ZNF470: variants seen among roughly 807,000 people sequenced by gnomAD.
ZNF470 encodes chondrogenesis zinc finger protein 1.
ZNF470 carries 13 observed loss-of-function variants against 13.9 expected under a neutral mutation model. That is an observed-to-expected ratio of 0.94 (90% CI 0.61 to 1.49). The LOEUF (loss-of-function observed/expected upper bound fraction) is 1.49. ZNF470 is among the 40% of genes most tolerant of loss of function. ZNF470 has a pLI of 0.00. For synonymous variants in ZNF470, 293 were observed against 282.9 expected (o/e 1.04, Z -0.36); for missense variants, 929 against 857.3 (o/e 1.08, Z -1.04).
Position 56,578,529 on chromosome 19 carries a change from C to G in ZNF470, c.2100C>G (p.Thr700=). 2 of 1,591,452 alleles carry G rather than the reference C, an allele frequency of 1.3e-6. No homozygotes were observed. Among genetic ancestry groups the G allele is most frequent in the Admixed American group, 1.8e-5 (1 of 57,014 alleles). Residue 700 remains threonine, a synonymous_variant, in exon 6 of 6, where the codon ACC becomes ACG. Transcript: ENST00000330619. ...VHLAHHQRIH[T]GESSVILSSA... ...TTGCTCATCATCAGCGAATTCATAC[C>G]GGAGAGTCATCAGTTATTCTCTCCT... is the stretch of plus-strand genomic sequence containing the variant.
At position 56,579,519 on chromosome 19, in the gene ZNF470, A is replaced by T. The variant is rs2044519647; in HGVS notation, c.*936A>T. ...TAACAAGCCAAAAAAACTTGAATAG[A>T]TTAATAGCCATGAAACACTGAAAAG... On this transcript the variant is annotated 3_prime_UTR_variant, in exon 6 of 6. Coordinates refer to ENST00000330619, the MANE Select transcript of ZNF470 (RefSeq NM_001001668.4). The T allele has an allele frequency of 8.1e-6, 8 of 985,224 alleles. No individual in the cohort carries two copies. In the South Asian group the frequency reaches 3.8e-4, roughly 46 times the overall value. 61.0% of individuals were successfully genotyped at this position (985,224 alleles called of 1,614,324 possible). A position where few individuals can be genotyped will look rare whatever the true frequency, so the allele number is the denominator to read the frequency against.
rs771775537 is a variant in ZNF470, at chr19:56,577,589, G to A, written c.1160G>A (p.Arg387Gln). 50 of 1,613,710 alleles carry A rather than the reference G, an allele frequency of 3.1e-5. No homozygotes were observed. The highest frequency in any genetic ancestry group is 5.0e-5 in the Admixed American group (3 of 59,942). ...FRQNASLIRHRRYYHTGEKPF... is the reference protein window; with the variant it reads ...FRQNASLIRHQRYYHTGEKPF... ...CAGAATGCTTCTCTTATACGTCATC[G>A]GCGATATTATCATACTGGAGAGAAA... The change falls in exon 6 of 6, where the codon CGG (arginine) becomes CAG (glutamine). Residue 387 changes from arginine (R) to glutamine (Q), a missense_variant. By Grantham distance (43) the Arg-to-Gln change is conservative. Coordinates refer to ENST00000330619, the MANE Select transcript of ZNF470 (RefSeq NM_001001668.4).
chr19:56,579,675 A>G lies in ZNF470; in HGVS notation c.*1092A>G. The stretch of plus-strand genomic sequence containing the variant: ...CATGAGATTGACAAGACATGCCAAA[A>G]CATAAAAATATGTACACTGCAATTA... On this transcript the variant is annotated 3_prime_UTR_variant, in exon 6 of 6. Transcript: ENST00000330619. 1.0e-6 allele frequency: 1 copy of G among 985,420 alleles called. No individual in the cohort carries two copies. The allele number at this position is 985,420 out of a possible 1,614,324, so 61.0% of individuals were successfully genotyped here. A position where few individuals can be genotyped will look rare whatever the true frequency, so the allele number is the denominator to read the frequency against.
chr19:56,574,769 C>G, intron 5 of ZNF470, 36 bp downstream of exon 5: 1 of 1,563,972 alleles, frequency 6.4e-7, no homozygotes, highest in Non-Finnish European at 8.7e-7. Context: ...AGGAACTGTT[C>G]TCAACATGTT....
Position 56,576,800 on chromosome 19 carries a change from G to T in ZNF470, c.371G>T (p.Arg124Ile). ...TTACCCCCGGCAATCATAATGGAAA[G>T]ACTTAAAAGCTATGACCTTGAATGT... ...EKLPPAIIME[R>I]LKSYDLECST... The change falls in exon 6 of 6, where the codon AGA (arginine) becomes ATA (isoleucine). Residue 124 changes from arginine to isoleucine, a missense_variant. Physicochemically the swap from Arg to Ile is moderately conservative, Grantham distance 97 (BLOSUM62 -3). Transcript: ENST00000330619. The T allele has an allele frequency of 6.4e-7, 1 of 1,569,436 alleles. No homozygotes were observed. Among genetic ancestry groups the T allele is most frequent in the Non-Finnish European group, 8.6e-7 (1 of 1,164,664 alleles).
At position 56,579,067 on chromosome 19, in the gene ZNF470, C is replaced by T. The variant is rs1264818153; in HGVS notation, c.*484C>T. The T allele has an allele frequency of 1.0e-6, 1 of 985,794 alleles. No individual in the cohort carries two copies. Among genetic ancestry groups the T allele is most frequent in the Non-Finnish European group, 1.2e-6 (1 of 830,202 alleles). 61.1% of individuals were successfully genotyped at this position (985,794 alleles called of 1,614,324 possible). ...TGGTGGCTTATCACTCCCTCTGTGA[C>T]ATTGTTGATGAGCAACTCTCACTTT... On this transcript the variant is annotated 3_prime_UTR_variant, in exon 6 of 6. Transcript: ENST00000330619.
intron 5 of ZNF470, among the ~76,000 whole-genome samples, chr19:56,575,508 T>G (rs1223075075): frequency 6.6e-6 from 1 of 151,994 alleles, no homozygotes; most frequent in African/African-American, 2.4e-5. Context: ...TTTACTGATT[T>G]AGAAAGCTAG....
In ZNF470 at chr19:56,581,031, A is replaced by G; in HGVS notation, c.*2448A>G. 1 of 985,358 alleles carries G rather than the reference A, an allele frequency of 1.0e-6. No homozygotes were observed. Among genetic ancestry groups the G allele is most frequent in the Non-Finnish European group, 1.2e-6 (1 of 829,842 alleles). 61.0% of individuals were successfully genotyped at this position (985,358 alleles called of 1,614,324 possible). A position where few individuals can be genotyped will look rare whatever the true frequency, so the allele number is the denominator to read the frequency against. On this transcript the variant is annotated 3_prime_UTR_variant, in exon 6 of 6. Transcript: ENST00000330619. Reference sequence around the variant, plus strand: ...TGAAATAGACTTTAAGCACTAATGCATAACCCCAAAGCTGACATTAGGCTT... The same window carrying G: ...TGAAATAGACTTTAAGCACTAATGCGTAACCCCAAAGCTGACATTAGGCTT...
At position 56,570,296 on chromosome 19, in the gene ZNF470, TA is replaced by T; in HGVS notation, c.-13del. On this transcript the variant is annotated 5_prime_UTR_variant, in exon 3 of 6. Coordinates refer to ENST00000330619, the MANE Select transcript of ZNF470 (RefSeq NM_001001668.4). The stretch of plus-strand genomic sequence containing the variant: ...TCTCCCCAGCTCTACAATCCCAGAG[TA>T]AAGCTCTTCTCCAAATGAAGAGCCA... 1 of 1,613,604 alleles carries T rather than the reference TA, an allele frequency of 6.2e-7. No individual in the cohort carries two copies. The highest frequency in any genetic ancestry group is 1.1e-5 in the South Asian group (1 of 91,064).
intron 3 of ZNF470, chr19:56,574,186 T>C (rs2044473137): frequency 1.2e-6 from 1 of 836,820 alleles, no homozygotes; most frequent in Non-Finnish European, 1.9e-6. Flanking sequence ...AAGGAGTATC[T>C]CATTTTTTTC....
rs768409054 is a variant in ZNF470, at chr19:56,578,358, T to C, written c.1929T>C (p.His643=). ...RKSLTLHQRI[H]TGEKPYECKE... ...CCCTTACTCTGCATCAGAGAATTCA[T>C]ACAGGAGAGAAACCTTATGAGTGTA... The change falls in exon 6 of 6, where the codon CAT becomes CAC. Residue 643 remains histidine, a synonymous_variant. Coordinates refer to ENST00000330619, the MANE Select transcript of ZNF470 (RefSeq NM_001001668.4). The C allele has an allele frequency of 2.5e-6, 4 of 1,612,238 alleles. No individual in the cohort carries two copies. The highest frequency in any genetic ancestry group is 3.4e-6 in the Non-Finnish European group (4 of 1,179,050).
chr19:56,576,165 A>C (rs1415639204), intron 5 of ZNF470, among the ~76,000 whole-genome samples: 1 of 152,198 alleles, frequency 6.6e-6, no homozygotes, highest in Admixed American at 6.5e-5. Flanking sequence ...ATTTGAAAAA[A>C]TAGATGATAT....
chr19:56,578,575 G>A lies in ZNF470; in HGVS notation c.2146G>A (p.Val716Ile), dbSNP rs1406886101. 3.3e-6 allele frequency: 5 copies of A among 1,525,664 alleles called. No individual in the cohort carries two copies. The highest frequency in any genetic ancestry group is 3.5e-6 in the Non-Finnish European group (4 of 1,137,672). The allele number at this position is 1,525,664 out of a possible 1,614,324, so 94.5% of individuals were successfully genotyped here. Residue 716 changes from valine to isoleucine, a missense_variant, in exon 6 of 6, where the codon GTC becomes ATC. Transcript: ENST00000330619. ...CTCCTCTGCCCTCCCATACCACCAA[G>A]TCCTATAGATTCAATCTCGTAAATG... ...ILSSALPYHQ[V>I]L
Position 56,581,332 on chromosome 19 carries a change from A to G in ZNF470, c.*2749A>G, listed in dbSNP as rs932996883. On this transcript the variant is annotated 3_prime_UTR_variant, in exon 6 of 6. Transcript: ENST00000330619. ...AAAGACTGACTAATCGAGTGATAAC[A>G]TTCAGTATTGGTGAATGTGTGGAAA... The G allele has an allele frequency of 1.1e-6, 1 of 872,286 alleles. No homozygotes were observed. The highest frequency in any genetic ancestry group is 1.4e-6 in the Non-Finnish European group (1 of 726,908). The allele number at this position is 872,286 out of a possible 1,614,324, so 54.0% of individuals were successfully genotyped here. A position where few individuals can be genotyped will look rare whatever the true frequency, so the allele number is the denominator to read the frequency against.
chr19:56,574,047 A>G (rs2044472458), intron 3 of ZNF470: 6 of 728,444 alleles, frequency 8.2e-6, no homozygotes, highest in Non-Finnish European at 1.0e-5. Flanking sequence ...CTCCATGTAG[A>G]GAAGTGATTT....
Position 56,579,579 on chromosome 19 carries a change from A to T in ZNF470, c.*996A>T. ...ATACTTTGGCCTTTATAAAAGTACCACAGACAATTCGTGTGGTATTTAAAT... is the reference window on the plus strand; with the variant it reads ...ATACTTTGGCCTTTATAAAAGTACCTCAGACAATTCGTGTGGTATTTAAAT... On this transcript the variant is annotated 3_prime_UTR_variant, in exon 6 of 6. Coordinates refer to ENST00000330619, the MANE Select transcript of ZNF470 (RefSeq NM_001001668.4). 1.0e-6 allele frequency: 1 copy of T among 985,468 alleles called. No individual in the cohort carries two copies. The highest frequency in any genetic ancestry group is 1.2e-6 in the Non-Finnish European group (1 of 829,928). The allele number at this position is 985,468 out of a possible 1,614,324, so 61.0% of individuals were successfully genotyped here. A position where few individuals can be genotyped will look rare whatever the true frequency, so the allele number is the denominator to read the frequency against.
intron 3 of ZNF470, 86 bp from the exon 4 acceptor site, chr19:56,574,308 A>C (rs1461283823): frequency 3.1e-6 from 5 of 1,600,182 alleles, no homozygotes; most frequent in Middle Eastern, 3.3e-4. Context: ...TTTTAATCCC[A>C]AAGTGAGAAC....
At chr19:56,572,723 CA>C (rs1444541093) in intron 3 of ZNF470, among the ~76,000 whole-genome samples, 5 of 151,460 alleles carry the variant, frequency 3.3e-5, no homozygotes, top group Admixed American at 1.3e-4. Context: ...AAACTAAAGA[CA>C]AAAAAATCTC....
intron 2 of ZNF470, among the ~76,000 whole-genome samples, chr19:56,569,243 A>G (rs2044433402): frequency 6.6e-6 from 1 of 152,220 alleles, no homozygotes; most frequent in Admixed American, 6.5e-5. Flanking sequence ...AACATGGCTC[A>G]GTGGAGTCAA....
Sources: allele counts gnomAD v4.1 joint callset (sites outside exome capture counted in the v4.1 genomes callset), GRCh38; gene constraint gnomAD v4.1.1; transcripts MANE v1.5; gene names NCBI Gene and HGNC (gene_info 2026-07-23, HGNC 2026-07-21).